Variants in ASAP2 observed in about 807,000 individuals in gnomAD.
ASAP2 encodes the protein arf-GAP with SH3 domain, ANK repeat and PH domain-containing protein 2.
A neutral mutation model predicts 131.4 loss-of-function variants in ASAP2; 45 were observed. That is an observed-to-expected ratio of 0.34 (90% CI 0.27 to 0.44). The LOEUF (loss-of-function observed/expected upper bound fraction) is 0.44. Among genes scored for constraint, ASAP2 ranks in the 20% least tolerant of loss-of-function variants. The pLI is 1.00. For synonymous variants in ASAP2, 510 were observed against 503.0 expected, an observed-to-expected ratio of 1.01 and a Z score of -0.19; for missense variants, 1,011 against 1,297.0, an observed-to-expected ratio of 0.78 and a Z score of 3.39.
intron 3 of ASAP2, 55 bp from the exon 4 acceptor site, chr2:9,318,469 A>C: frequency 7.5e-7 from 1 of 1,330,646 alleles, no homozygotes; most frequent in South Asian, 1.2e-5. Context: ...TGCTGTCCTT[A>C]CTTTAGATTC....
intron 11 of ASAP2, among the ~76,000 whole-genome samples, chr2:9,348,525 C>T (rs925876296): frequency 4.6e-5 from 7 of 152,190 alleles, no homozygotes; most frequent in African/African-American, 1.4e-4. Flanking sequence ...AATACTTAAT[C>T]TATGTACTTA....
intron 1 of ASAP2, among the ~76,000 whole-genome samples, chr2:9,252,824 G>C (rs1439574794): frequency 2.7e-5 from 4 of 150,772 alleles, no homozygotes; most frequent in Non-Finnish European, 4.4e-5. Flanking sequence ...GCTGAGGCAG[G>C]AGAATGGCAT....
intron 3 of ASAP2, among the ~76,000 whole-genome samples, chr2:9,299,461 C>G (rs1668351574): frequency 6.6e-6 from 1 of 152,194 alleles, no homozygotes; most frequent in African/African-American, 2.4e-5. Flanking sequence ...AAAACTTTGG[C>G]TCCCATGTGT....
chr2:9,256,628 T>C (rs1665183307), intron 1 of ASAP2, among the ~76,000 whole-genome samples: 1 of 152,228 alleles, frequency 6.6e-6, no homozygotes, highest in African/African-American at 2.4e-5. Flanking sequence ...ATCAGAATTG[T>C]CTCTGTCTTG....
At position 9,207,323 on chromosome 2, in the gene ASAP2, T is replaced by C; in HGVS notation, c.126+93T>C. 6 of 1,414,440 alleles carry C rather than the reference T, an allele frequency of 4.2e-6. No homozygotes were observed. The highest frequency in any genetic ancestry group is 5.5e-6 in the Non-Finnish European group (6 of 1,082,310). 87.6% of individuals were successfully genotyped at this position (1,414,440 alleles called of 1,614,324 possible). A position where few individuals can be genotyped will look rare whatever the true frequency, so the allele number is the denominator to read the frequency against. ...CATCCGCATCCCGAGAAAACTTTCT[T>C]TGCTCCGAAGCCGGACGCGGCCGGG... On this transcript the variant is annotated intron_variant, in intron 1 of 27. Transcript: ENST00000281419. The surrounding 1 kb of genome is among the most constrained non-coding windows in gnomAD (Gnocchi z 4.1).
intron 2 of ASAP2, among the ~76,000 whole-genome samples, chr2:9,295,344 CAT>C (rs2148385889): frequency 6.6e-6 from 1 of 152,296 alleles, no homozygotes; most frequent in South Asian, 2.1e-4. Context: ...AGAAATAATA[CAT>C]GTCTTACGAA....
At chr2:9,305,239 G>C (rs1438241740) in intron 3 of ASAP2, among the ~76,000 whole-genome samples, 2 of 151,836 alleles carry the variant, frequency 1.3e-5, no homozygotes, top group Non-Finnish European at 2.9e-5. Flanking sequence ...CTGCAGTAGT[G>C]GGGTATACAT....
Position 9,403,616 on chromosome 2 carries a change from C to T in ASAP2, c.*289C>T, listed in dbSNP as rs541453659. On this transcript the variant is annotated 3_prime_UTR_variant, in exon 28 of 28. Coordinates refer to ENST00000281419, the MANE Select transcript of ASAP2 (RefSeq NM_003887.3). ...ATACATAATCAAGATCCTGCCTCTACGGAATTAGCTAAACCTAAAAATGTT... is the reference window on the plus strand; with the variant it reads ...ATACATAATCAAGATCCTGCCTCTATGGAATTAGCTAAACCTAAAAATGTT... The T allele has an allele frequency of 5.6e-5, 19 of 340,986 alleles. No homozygotes were observed. The highest frequency in any genetic ancestry group is 1.1e-4 in the South Asian group (2 of 18,206). The allele number at this position is 340,986 out of a possible 1,614,324, so 21.1% of individuals were successfully genotyped here. A position where few individuals can be genotyped will look rare whatever the true frequency, so the allele number is the denominator to read the frequency against.
At chr2:9,244,682 A>G (rs1054058200) in intron 1 of ASAP2, among the ~76,000 whole-genome samples, 2 of 152,204 alleles carry the variant, frequency 1.3e-5, no homozygotes, top group African/African-American at 4.8e-5. Context: ...TTTTACTACC[A>G]TTGCAGCCCA....
At chr2:9,209,292 T>C (rs1352009631) in intron 1 of ASAP2, among the ~76,000 whole-genome samples, 1 of 152,256 alleles carries the variant, frequency 6.6e-6, no homozygotes, top group East Asian at 1.9e-4. Context: ...ATTTGAAAGT[T>C]GTTCACTTTC....
chr2:9,392,032 G>A lies in ASAP2; in HGVS notation c.2518+836G>A, dbSNP rs956512911. 3.3e-5 allele frequency among the ~76,000 whole-genome samples: 5 copies of A among 152,052 alleles called. No homozygotes were observed. Among genetic ancestry groups the A allele is most frequent in the African/African-American group, 4.8e-5 (2 of 41,402 alleles). ...AGTAGCTGGGATTATTGGTGCAAGC[G>A]TATTTTTTGTAGAGACAGGGTTTTG... On this transcript the variant is annotated intron_variant, in intron 23 of 27. Transcript: ENST00000281419. This position sits in a 1 kb window ranked among gnomAD's most constrained non-coding sequence, Gnocchi z 4.0.
intron 1 of ASAP2, among the ~76,000 whole-genome samples, chr2:9,252,930 A>AAG (rs1664827523): frequency 6.6e-6 from 1 of 151,574 alleles, no homozygotes; most frequent in Non-Finnish European, 1.5e-5. Flanking sequence ...AAAAAAAAAA[A>AAG]AGAATTTAGG....
In ASAP2 at chr2:9,344,559, T is replaced by C. The variant is rs757858736; in HGVS notation, c.877T>C (p.Tyr293His). The change falls in exon 10 of 28, where the codon TAT becomes CAT. Residue 293 changes from tyrosine (Y) to histidine (H), a missense_variant. Tyr to His is a moderately conservative substitution (Grantham distance 83). This residue lies in a region of ASAP2 where 359 missense variants were observed against 598.1 expected (regional missense o/e 0.60). Coordinates refer to ENST00000281419, the MANE Select transcript of ASAP2 (RefSeq NM_003887.3). Reference sequence around the variant, plus strand: ...CTCCCAAATTCGTCAGAGCACAGCTTATAGCTTACATCAGCCTCAGGGAAA... The same window carrying C: ...CTCCCAAATTCGTCAGAGCACAGCTCATAGCTTACATCAGCCTCAGGGAAA... ...EDSQIRQSTA[Y>H]SLHQPQGNKE... The C allele has an allele frequency of 6.2e-7, 1 of 1,614,110 alleles. No homozygotes were observed. Among genetic ancestry groups the C allele is most frequent in the Non-Finnish European group, 8.5e-7 (1 of 1,179,986 alleles).
chr2:9,233,946 A>C (rs1041908023), intron 1 of ASAP2, among the ~76,000 whole-genome samples: 1 of 151,982 alleles, frequency 6.6e-6, no homozygotes, highest in East Asian at 1.9e-4. Context: ...CCCCATCTTT[A>C]CTAAAAATAT....
intron 1 of ASAP2, among the ~76,000 whole-genome samples, chr2:9,215,471 G>T (rs1260597739): frequency 6.6e-6 from 1 of 151,960 alleles, no homozygotes; most frequent in Non-Finnish European, 1.5e-5. Context: ...TAAAGATAAT[G>T]TAATGTTCAT....
At chr2:9,229,710 A>G (rs1376624650) in intron 1 of ASAP2, among the ~76,000 whole-genome samples, 2 of 152,180 alleles carry the variant, frequency 1.3e-5, no homozygotes, top group Non-Finnish European at 2.9e-5. Flanking sequence ...TGAGTAAGTG[A>G]TGGAGTAGTT....
At chr2:9,346,745 T>C (rs1671992993) in intron 11 of ASAP2, among the ~76,000 whole-genome samples, 1 of 152,240 alleles carries the variant, frequency 6.6e-6, no homozygotes, top group Non-Finnish European at 1.5e-5. Context: ...TTTGCTTCAT[T>C]GAGAGTTCCC....
intron 24 of ASAP2, among the ~76,000 whole-genome samples, chr2:9,396,993 C>G (rs1405557146): frequency 6.6e-6 from 1 of 152,196 alleles, no homozygotes; most frequent in East Asian, 1.9e-4. Context: ...CAGAGCCAGA[C>G]TCCGTCTCAA....
At chr2:9,357,422 T>C (rs986280240) in intron 14 of ASAP2, among the ~76,000 whole-genome samples, 7 of 152,066 alleles carry the variant, frequency 4.6e-5, no homozygotes, top group Admixed American at 1.3e-4. Context: ...GAGGTTGCAG[T>C]GAGCTGAGAT....
Sources: allele counts gnomAD v4.1 joint callset (sites outside exome capture counted in the v4.1 genomes callset), GRCh38; gene constraint gnomAD v4.1.1; regional missense constraint gnomAD v4.1.1; non-coding constraint Gnocchi (gnomAD v3.1); transcripts MANE v1.5; gene names NCBI Gene and HGNC (gene_info 2026-07-23, HGNC 2026-07-21).